The following SYT16 variants were observed in gnomAD, a reference collection of about 807,000 sequenced individuals.
SYT16 encodes the protein synaptotagmin-16.
A neutral mutation model predicts 61.4 loss-of-function variants in SYT16; 42 were observed. That is an observed-to-expected ratio of 0.68 (90% CI 0.53 to 0.89). The LOEUF is 0.89. Ranked by LOEUF, SYT16 falls within the 40% of genes least tolerant of loss-of-function variation. The pLI is 0.00. For synonymous variants in SYT16, 314 were observed against 302.3 expected (o/e 1.04, Z -0.40); for missense variants, 804 against 807.3 (o/e 1.00, Z 0.05).
At chr14:62,028,387 T>C (rs2054181383) in intron 3 of SYT16, among the ~76,000 whole-genome samples, 1 of 152,222 alleles carries the variant, frequency 6.6e-6, no homozygotes, top group Non-Finnish European at 1.5e-5. Flanking sequence ...CTGTAAATAC[T>C]ATTAACTCCA....
intron 4 of SYT16, among the ~76,000 whole-genome samples, 176 bp from the exon 5 acceptor site, chr14:62,074,959 T>C (rs1343550322): frequency 1.3e-5 from 2 of 152,228 alleles, no homozygotes; most frequent in Middle Eastern, 3.2e-3. Context: ...ATGTTCTTTT[T>C]CATTTTATGG....
At chr14:62,062,008 A>G (rs1242402261) in intron 3 of SYT16, among the ~76,000 whole-genome samples, 2 of 152,220 alleles carry the variant, frequency 1.3e-5, no homozygotes, top group Non-Finnish European at 2.9e-5. Flanking sequence ...TCACTCTGCC[A>G]TTATCAGAAC....
intron 1 of SYT16, among the ~76,000 whole-genome samples, chr14:61,835,865 C>T (rs1213640256): frequency 1.3e-5 from 2 of 152,114 alleles, no homozygotes; most frequent in African/African-American, 2.4e-5. Context: ...AAAAATTTTC[C>T]TACCTGGCTC....
intron 7 of SYT16, among the ~76,000 whole-genome samples, chr14:62,098,865 G>C (rs2057346078): frequency 6.6e-6 from 1 of 152,128 alleles, no homozygotes; most frequent in Non-Finnish European, 1.5e-5. Context: ...GAGAGAAAAA[G>C]GTCAGAAAGG....
At position 61,996,516 on chromosome 14, in the gene SYT16, T is replaced by C. The variant is rs751700527; in HGVS notation, c.497T>C (p.Leu166Ser). ...TTTGACAGCCAGCTCCCTGGTACTT[T>C]AGAAACTGTTAATGGAAAAAAGCAA... ...HGFDSQLPGT[L>S]ETVNGKKQVN... Residue 166 changes from leucine to serine, a missense_variant, in exon 3 of 8, where the codon TTA (leucine) becomes TCA (serine). By Grantham distance (145) the Leu-to-Ser change is moderately radical. Coordinates refer to ENST00000683842, the MANE Select transcript of SYT16 (RefSeq NM_001367656.1). 6.2e-7 allele frequency: 1 copy of C among 1,607,206 alleles called. No homozygotes were observed. Among genetic ancestry groups the C allele is most frequent in the East Asian group, 2.2e-5 (1 of 44,760 alleles).
At chr14:61,982,928 A>G (rs569371007) in intron 2 of SYT16, among the ~76,000 whole-genome samples, 58 of 152,280 alleles carry the variant, frequency 3.8e-4, no homozygotes, top group Non-Finnish European at 7.8e-4. Flanking sequence ...AGGTGGTAAA[A>G]GTTGCATTTA....
At position 62,062,302 on chromosome 14, in the gene SYT16, G is replaced by GA. The variant is rs542324915; in HGVS notation, c.524-7301_524-7300insA. On this transcript the variant is annotated intron_variant, in intron 3 of 7. Coordinates refer to ENST00000683842, the MANE Select transcript of SYT16 (RefSeq NM_001367656.1). ...CAGCCTTAGTTTCTCTATTTGAGGGGGGGATGAGGGAGAATGAAGGAGTTT... is the reference window on the plus strand; with the variant it reads ...CAGCCTTAGTTTCTCTATTTGAGGGGAGGGATGAGGGAGAATGAAGGAGTTT... Among the ~76,000 whole-genome samples the GA allele has an allele frequency of 4.6e-5, 7 of 152,230 alleles. No homozygotes were observed. In the South Asian group the frequency reaches 1.2e-3, roughly 27 times the overall value.
At chr14:61,819,264 A>G (rs996732781) in intron 1 of SYT16, among the ~76,000 whole-genome samples, 5 of 152,226 alleles carry the variant, frequency 3.3e-5, no homozygotes, top group African/African-American at 9.6e-5. Flanking sequence ...ACTATTATTT[A>G]GCATTATGAA....
At chr14:61,982,866 C>T (rs549112442) in intron 2 of SYT16, among the ~76,000 whole-genome samples, 3 of 152,214 alleles carry the variant, frequency 2.0e-5, no homozygotes, top group East Asian at 3.9e-4. Flanking sequence ...CTCTGGATGT[C>T]GTCTTCCAGA....
At chr14:61,882,751 C>A (rs1437557780) in intron 1 of SYT16, among the ~76,000 whole-genome samples, 5 of 152,160 alleles carry the variant, frequency 3.3e-5, no homozygotes, top group Non-Finnish European at 7.3e-5. Context: ...TGCCTATGAG[C>A]CTGTAAAATT....
intron 7 of SYT16, among the ~76,000 whole-genome samples, chr14:62,091,374 A>C: frequency 6.6e-6 from 1 of 152,242 alleles, no homozygotes; most frequent in East Asian, 1.9e-4. Context: ...AGAAGGAAGT[A>C]ATGGGAAGCA....
intron 1 of SYT16, among the ~76,000 whole-genome samples, chr14:61,961,527 A>G (rs559331713): frequency 3.3e-5 from 5 of 152,226 alleles, no homozygotes; most frequent in African/African-American, 7.2e-5. Flanking sequence ...GCTCAATGTC[A>G]CTAATCATTA....
chr14:62,059,786 A>G (rs1017167177), intron 3 of SYT16, among the ~76,000 whole-genome samples: 49 of 151,138 alleles, frequency 3.2e-4, no homozygotes, highest in African/African-American at 1.2e-3. Flanking sequence ...ATACACACAC[A>G]CACACACACA....
intron 6 of SYT16, among the ~76,000 whole-genome samples, chr14:62,081,852 C>T (rs1422319373): frequency 1.3e-5 from 2 of 152,148 alleles, no homozygotes; most frequent in Non-Finnish European, 2.9e-5. Context: ...ATGCCCATCT[C>T]CTTTTACAAA....
In SYT16 at chr14:62,110,482, G is replaced by C. The variant is rs2057589198; in HGVS notation, c.*9775G>C. The C allele has an allele frequency of 6.6e-6, 1 of 152,034 alleles. No individual in the cohort carries two copies. Among genetic ancestry groups the C allele is most frequent in the Admixed American group, 6.6e-5 (1 of 15,252 alleles). The allele number at this position is 152,034 out of a possible 1,614,324, so 9.4% of individuals were successfully genotyped here. On this transcript the variant is annotated 3_prime_UTR_variant, in exon 8 of 8. Coordinates refer to ENST00000683842, the MANE Select transcript of SYT16 (RefSeq NM_001367656.1). ...GTTTTTGAAGACTACAGGATAGTTTGTGATTTTTATATTAAGGTCGTATCA... is the reference window on the plus strand; with the variant it reads ...GTTTTTGAAGACTACAGGATAGTTTCTGATTTTTATATTAAGGTCGTATCA...
intron 1 of SYT16, among the ~76,000 whole-genome samples, chr14:61,927,453 C>T (rs1163456098): frequency 6.6e-6 from 1 of 152,150 alleles, no homozygotes; most frequent in Non-Finnish European, 1.5e-5. Flanking sequence ...GTCAGGGCAG[C>T]AAATTACATC....
At chr14:61,827,522 T>G (rs1022857712) in intron 1 of SYT16, among the ~76,000 whole-genome samples, 6 of 152,208 alleles carry the variant, frequency 3.9e-5, no homozygotes, top group Admixed American at 2.6e-4. Flanking sequence ...GCAATAGAGA[T>G]AAAAGCATGT....
intron 1 of SYT16, among the ~76,000 whole-genome samples, chr14:61,951,417 T>C (rs1305641151): frequency 3.3e-5 from 5 of 152,216 alleles, no homozygotes; most frequent in Non-Finnish European, 7.3e-5. Flanking sequence ...TTTAAGGGTA[T>C]TGGATTAGTG....
chr14:61,816,358 A>C (rs1426506012), intron 1 of SYT16, among the ~76,000 whole-genome samples: 5 of 152,208 alleles, frequency 3.3e-5, no homozygotes, highest in Non-Finnish European at 5.9e-5. Context: ...AACTAGTGCT[A>C]AACAGTGACT....
Sources: allele counts gnomAD v4.1 joint callset (sites outside exome capture counted in the v4.1 genomes callset), GRCh38; gene constraint gnomAD v4.1.1; transcripts MANE v1.5; gene names NCBI Gene and HGNC (gene_info 2026-07-23, HGNC 2026-07-21).